The following DNAH10 variants were observed in gnomAD, a reference collection of about 807,000 sequenced individuals.
DNAH10 encodes the protein axonemal beta dynein heavy chain 10.
Under a neutral mutation model 506.6 loss-of-function variants are expected in DNAH10, and 348 were observed. The observed-to-expected ratio is 0.69, with a 90% CI of 0.63 to 0.75. The LOEUF is 0.75. Among genes scored for constraint, DNAH10 ranks in the 30% least tolerant of loss-of-function variants. The pLI, the probability that DNAH10 is intolerant of heterozygous loss-of-function variation, is 0.00. For missense variants in DNAH10, 5,179 were observed against 5,787.1 expected (o/e 0.89, Z 3.41); for synonymous variants, 2,059 against 2,198.6 (o/e 0.94, Z 1.78).
intron 47 of DNAH10, 54 bp from the exon 48 acceptor site, chr12:123,877,682 C>G: frequency 1.9e-6 from 3 of 1,552,590 alleles, no homozygotes; most frequent in Non-Finnish European, 2.6e-6. Context: ...TGTTTATTCA[C>G]TCATCTACTG....
At chr12:123,892,551 A>T (rs1414002099) in intron 52 of DNAH10, among the ~76,000 whole-genome samples, 1 of 152,186 alleles carries the variant, frequency 6.6e-6, no homozygotes, top group Non-Finnish European at 1.5e-5. Context: ...GGCCACTCTT[A>T]TCAGTGAATC....
At chr12:123,827,590 C>T (rs1434834941) in intron 25 of DNAH10, among the ~76,000 whole-genome samples, 2 of 152,146 alleles carry the variant, frequency 1.3e-5, no homozygotes, top group Admixed American at 1.3e-4. Flanking sequence ...TTACAGTCCT[C>T]ATTTGTGAGT....
chr12:123,890,612 C>G (rs571245964), intron 52 of DNAH10, among the ~76,000 whole-genome samples: 41 of 152,272 alleles, frequency 2.7e-4, no homozygotes, highest in African/African-American at 8.7e-4. Flanking sequence ...AAAGATCCCT[C>G]CAGTGCGCCG....
intron 27 of DNAH10, 87 bp from the exon 28 acceptor site, chr12:123,835,319 C>G: frequency 6.7e-7 from 1 of 1,492,428 alleles, no homozygotes; most frequent in South Asian, 1.4e-5. Flanking sequence ...TGATTTGGTT[C>G]TGTCTCATGT....
chr12:123,779,406 G>A lies in DNAH10; in HGVS notation c.622-1674G>A, dbSNP rs374447938. Among the ~76,000 whole-genome samples, 23 of 152,154 alleles carry A rather than the reference G, an allele frequency of 1.5e-4. No individual in the cohort carries two copies. In the South Asian group the frequency reaches 4.8e-3, roughly 32 times the overall value. On this transcript the variant is annotated intron_variant, in intron 5 of 78. Coordinates refer to ENST00000673944, the MANE Select transcript of DNAH10 (RefSeq NM_001372106.1). Reference sequence around the variant, plus strand: ...TGGGTCATTTCTGGAGGATGATAGGGGACCACTGTACTATTTCAAAAATTG... The same window carrying A: ...TGGGTCATTTCTGGAGGATGATAGGAGACCACTGTACTATTTCAAAAATTG...
intron 30 of DNAH10, among the ~76,000 whole-genome samples, 178 bp downstream of exon 30, chr12:123,841,723 C>T (rs758027490): frequency 1.3e-5 from 2 of 152,162 alleles, no homozygotes; most frequent in Non-Finnish European, 2.9e-5. Flanking sequence ...GGATCTTGCT[C>T]TGTCACCCAG....
chr12:123,883,845 A>G (rs1952613394), intron 51 of DNAH10, among the ~76,000 whole-genome samples: 1 of 152,054 alleles, frequency 6.6e-6, no homozygotes, highest in Non-Finnish European at 1.5e-5. Context: ...CAATGGACTG[A>G]AGTTTTGTCC....
At chr12:123,797,876 C>A (rs1457208747) in intron 13 of DNAH10, among the ~76,000 whole-genome samples, 1 of 152,214 alleles carries the variant, frequency 6.6e-6, no homozygotes, top group Non-Finnish European at 1.5e-5. Context: ...TAAGCCATTT[C>A]TTTGAAGATC....
chr12:123,806,969 T>G (rs1958700540), intron 18 of DNAH10, among the ~76,000 whole-genome samples: 1 of 152,128 alleles, frequency 6.6e-6, no homozygotes, highest in Non-Finnish European at 1.5e-5. Flanking sequence ...GGAGTTCCAC[T>G]GTGTTAGCCA....
Position 123,787,499 on chromosome 12 carries a change from G to T in DNAH10, c.1422-305G>T, listed in dbSNP as rs548385220. 6.6e-6 allele frequency among the ~76,000 whole-genome samples: 1 copy of T among 152,352 alleles called. No homozygotes were observed. Among genetic ancestry groups the T allele is most frequent in the South Asian group, 2.1e-4 (1 of 4,832 alleles). On this transcript the variant is annotated intron_variant, in intron 9 of 78. Transcript: ENST00000673944. This position sits in a 1 kb window ranked among gnomAD's most constrained non-coding sequence, Gnocchi z 4.6. ...TGTCCTGCGCCGTGTTGCAGCTGCC[G>T]CTGTTGACCTCTGGCCTGGGGCCAA...
At chr12:123,906,979 T>G (rs1388218078) in intron 57 of DNAH10, among the ~76,000 whole-genome samples, 1 of 152,246 alleles carries the variant, frequency 6.6e-6, no homozygotes, top group Non-Finnish European at 1.5e-5. Context: ...TGAGTTTCAC[T>G]TTTCTTCCTT....
In DNAH10 at chr12:123,830,709, C is replaced by T; in HGVS notation, c.4545+10C>T. The T allele has an allele frequency of 6.3e-7, 1 of 1,589,610 alleles. No homozygotes were observed. The highest frequency in any genetic ancestry group is 8.6e-7 in the Non-Finnish European group (1 of 1,168,246). ...GGTTGCCATTGAGAAGGTAAGACTT[C>T]AGTTAAAAACAGGCTGGAGAAAACA... On this transcript the variant is annotated intron_variant, in intron 26 of 78. Transcript: ENST00000673944.
intron 23 of DNAH10, 110 bp from the exon 24 acceptor site, chr12:123,820,470 T>C: frequency 9.0e-7 from 1 of 1,113,056 alleles, no homozygotes; most frequent in Non-Finnish European, 1.3e-6. Context: ...TCTTCCCGTG[T>C]GGTTTATGAG....
At chr12:123,857,585 G>T (rs942426287) in intron 37 of DNAH10, among the ~76,000 whole-genome samples, 2 of 152,144 alleles carry the variant, frequency 1.3e-5, no homozygotes, top group Admixed American at 6.5e-5. Context: ...AAAATTAGCC[G>T]GGCGTGGTGG....
chr12:123,799,888 A>G (rs755959061), intron 14 of DNAH10, among the ~76,000 whole-genome samples: 1 of 152,134 alleles, frequency 6.6e-6, no homozygotes, highest in African/African-American at 2.4e-5. Flanking sequence ...GCAAGTGGAG[A>G]GGGCCAGGTG....
chr12:123,834,397 A>G (rs2136537202), intron 27 of DNAH10, among the ~76,000 whole-genome samples: 1 of 152,124 alleles, frequency 6.6e-6, no homozygotes, highest in African/African-American at 2.4e-5. Context: ...TAGTAGAGAT[A>G]GGGTTTCACC....
At chr12:123,776,648 AAAG>A in intron 5 of DNAH10, among the ~76,000 whole-genome samples, 1 of 152,114 alleles carries the variant, frequency 6.6e-6, no homozygotes, top group African/African-American at 2.4e-5. Flanking sequence ...AAAAAAAAAA[AAAG>A]AAAAATAAAT....
rs947312914 is a variant in DNAH10 at position 123,875,103 on chromosome 12, A to C, written c.7939-128A>C. The C allele has an allele frequency of 1.7e-5, 18 of 1,081,272 alleles. No individual in the cohort carries two copies. The African/African-American group carries it at 2.7e-4, about 16-fold the overall frequency. The allele number at this position is 1,081,272 out of a possible 1,614,324, so 67.0% of individuals were successfully genotyped here. ...GTTGCAACCTTTGAGAAGCCCCATG[A>C]AACTGAAACCGAGGTGCCCTGGAGA... On this transcript the variant is annotated intron_variant, in intron 46 of 78. Coordinates refer to ENST00000673944, the MANE Select transcript of DNAH10 (RefSeq NM_001372106.1).
At chr12:123,929,616 A>G (rs1268395222) in intron 71 of DNAH10, 48 bp from the exon 72 acceptor site, 1 of 1,587,960 alleles carries the variant, frequency 6.3e-7, no homozygotes, top group South Asian at 1.1e-5. Context: ...CAGAATGTGA[A>G]CAGCTTGGTG....
Sources: gnomAD v4.1 joint callset for allele counts (sites outside exome capture counted in the v4.1 genomes callset) on GRCh38, gnomAD v4.1.1 for gene constraint, Gnocchi (gnomAD v3.1) non-coding constraint, MANE v1.5 for transcripts, NCBI Gene and HGNC (gene_info 2026-07-23, HGNC 2026-07-21) for gene names.